PCDHGA3: variants seen among roughly 807,000 people sequenced by gnomAD.
PCDHGA3 encodes protocadherin gamma subfamily A, 3.
In PCDHGA3, 40 loss-of-function variants were observed where a neutral mutation model predicts 58.5. That is an observed-to-expected ratio of 0.68 (90% confidence interval 0.53 to 0.89). The LOEUF is 0.89. Among genes scored for constraint, PCDHGA3 ranks in the 40% least tolerant of loss-of-function variants. The pLI is 0.00. For missense variants in PCDHGA3, 1,223 were observed against 1,195.9 expected (o/e 1.02, Z -0.33); for synonymous variants, 530 against 525.7 (o/e 1.01, Z -0.11).
At chr5:141,492,163 C>G (rs921256341) in intron 1 of PCDHGA3, among the ~76,000 whole-genome samples, 3 of 152,232 alleles carry the variant, frequency 2.0e-5, no homozygotes, top group Admixed American at 6.5e-5. Flanking sequence ...CCTCCCTATC[C>G]CCGCATCACC....
chr5:141,423,447 T>C (rs1347619382), intron 1 of PCDHGA3: 1 of 1,613,880 alleles, frequency 6.2e-7, no homozygotes, highest in Admixed American at 1.7e-5. Context: ...CCACGTCACA[T>C]TTTGTAGGCG....
In PCDHGA3 at chr5:141,511,261, G is replaced by A; in HGVS notation, c.*88G>A. On this transcript the variant is annotated 3_prime_UTR_variant, in exon 4 of 4. Transcript: ENST00000253812. The stretch of plus-strand genomic sequence containing the variant: ...CTGCACCCAGGCCTCAGAGTTTCAG[G>A]GCTAACCCCCAGAATACTGGTAGGG... 2 of 1,557,474 alleles carry A rather than the reference G, an allele frequency of 1.3e-6. No homozygotes were observed. The highest frequency in any genetic ancestry group is 1.4e-5 in the African/African-American group (1 of 73,440).
intron 1 of PCDHGA3, chr5:141,403,454 C>T: frequency 6.2e-7 from 1 of 1,614,054 alleles, no homozygotes; most frequent in Non-Finnish European, 8.5e-7. Context: ...GAACTCCCTC[C>T]AGAGCTACCA....
chr5:141,455,130 A>T (rs1446894125), intron 1 of PCDHGA3, among the ~76,000 whole-genome samples: 2 of 150,970 alleles, frequency 1.3e-5, no homozygotes, highest in African/African-American at 4.8e-5. Flanking sequence ...GTTTTAAATT[A>T]CACTGTGTTA....
intron 1 of PCDHGA3, chr5:141,415,748 T>TTG (rs2095929710): frequency 9.9e-7 from 1 of 1,008,886 alleles, no homozygotes; most frequent in South Asian, 2.7e-5. Context: ...AGGTTTTTTT[T>TTG]TTTTTTTTTT....
chr5:141,387,840 C>T, intron 1 of PCDHGA3: 2 of 1,597,864 alleles, frequency 1.3e-6, no homozygotes, highest in Non-Finnish European at 1.7e-6. Context: ...TTATTTGTAA[C>T]CCGGCGTCTC....
At chr5:141,371,340 A>G in intron 1 of PCDHGA3, 2 of 1,613,980 alleles carry the variant, frequency 1.2e-6, no homozygotes, top group Non-Finnish European at 1.7e-6. Flanking sequence ...AGATAGCTAC[A>G]CAATTGGGGT....
chr5:141,353,391 T>C (rs972720357), intron 1 of PCDHGA3, among the ~76,000 whole-genome samples: 7 of 152,358 alleles, frequency 4.6e-5, no homozygotes, highest in African/African-American at 1.4e-4. Context: ...TGTAATTATG[T>C]AATTAATGTA....
chr5:141,420,394 C>A, intron 1 of PCDHGA3: 2 of 1,260,296 alleles, frequency 1.6e-6, no homozygotes, highest in Non-Finnish European at 2.1e-6. Flanking sequence ...AAATATAGGT[C>A]AAATTTATGG....
Position 141,374,676 on chromosome 5 carries a change from G to A in PCDHGA3, c.2424+28219G>A, listed in dbSNP as rs372705367. 2.7e-5 allele frequency: 43 copies of A among 1,610,386 alleles called. No homozygotes were observed. In the African/African-American group the frequency reaches 5.5e-4, roughly 21 times the overall value. On this transcript the variant is annotated intron_variant, in intron 1 of 3. Transcript: ENST00000253812. The stretch of plus-strand genomic sequence containing the variant: ...AAGTACCCGGAGCTGGTGCTGGAGG[G>A]CACACTGGACCGGGAAGGAGAAGCC...
intron 1 of PCDHGA3, chr5:141,389,520 C>T: frequency 6.2e-7 from 1 of 1,613,184 alleles, no homozygotes; most frequent in Non-Finnish European, 8.5e-7. Flanking sequence ...GAACGTGAGC[C>T]TGCGCGTGTT....
intron 2 of PCDHGA3, among the ~76,000 whole-genome samples, chr5:141,502,787 G>T (rs2099816081): frequency 6.6e-6 from 1 of 151,394 alleles, no homozygotes; most frequent in African/African-American, 2.4e-5. Flanking sequence ...TTACCTGGAT[G>T]ATTTCTTCAG....
chr5:141,374,409 T>C (rs1392651465), intron 1 of PCDHGA3: 24 of 1,613,920 alleles, frequency 1.5e-5, no homozygotes, highest in Non-Finnish European at 1.9e-5. Context: ...TTTAACATCC[T>C]TGTCGAGGAT....
chr5:141,395,019 C>T (rs374672662), intron 1 of PCDHGA3: 5 of 1,613,986 alleles, frequency 3.1e-6, no homozygotes, highest in South Asian at 1.1e-5. Context: ...GGTAGGCGTG[C>T]CTGCCTCACA....
rs9324847 is a variant in PCDHGA3, at chr5:141,376,094, A to C, written c.2424+29637A>C. The C allele has an allele frequency of 5.1e-3, 8,284 of 1,613,546 alleles. 340 individuals are homozygous for C. In the African/African-American group the frequency reaches 0.097, roughly 19 times the overall value. On this transcript the variant is annotated intron_variant, in intron 1 of 3. Transcript: ENST00000253812. ...GGCCGTGGCCGACAGGATCCCCGAC[A>C]TCCTGGCCGACCTGGGCAGCCTCGA...
intron 1 of PCDHGA3, chr5:141,399,493 A>G (rs2093820399): frequency 1.2e-6 from 2 of 1,614,036 alleles, no homozygotes; most frequent in African/African-American, 2.7e-5. Context: ...CTACTTAGTC[A>G]GTGTACCCGA....
chr5:141,422,661 C>T (rs1289162498), intron 1 of PCDHGA3: 7 of 1,608,938 alleles, frequency 4.4e-6, no homozygotes, highest in Admixed American at 1.7e-5. Flanking sequence ...TGACCGCCCT[C>T]GACCCGGACA....
chr5:141,409,205 A>G (rs766592481), intron 1 of PCDHGA3: 3 of 1,614,068 alleles, frequency 1.9e-6, no homozygotes, highest in Non-Finnish European at 1.7e-6. Context: ...TAAAGTAATC[A>G]TAGAAATCCT....
At chr5:141,403,452 T>C (rs1482278011) in intron 1 of PCDHGA3, 15 of 1,613,988 alleles carry the variant, frequency 9.3e-6, no homozygotes, top group Non-Finnish European at 1.3e-5. Flanking sequence ...GTGAACTCCC[T>C]CCAGAGCTAC....
Sources: allele counts gnomAD v4.1 joint callset (sites outside exome capture counted in the v4.1 genomes callset), GRCh38; gene constraint gnomAD v4.1.1; transcripts MANE v1.5; gene names NCBI Gene and HGNC (gene_info 2026-07-23, HGNC 2026-07-21).